The following LSM14A variants were observed in gnomAD, a reference collection of about 807,000 sequenced individuals.
LSM14A encodes the protein LSM14A mRNA processing body assembly factor.
In LSM14A, 14 loss-of-function variants were observed where a neutral mutation model predicts 52.4. The observed-to-expected ratio is 0.27, with a 90% CI of 0.18 to 0.42. The LOEUF (loss-of-function observed/expected upper bound fraction) is 0.42, where lower values mean the gene tolerates loss of function less well. Among genes scored for constraint, LSM14A ranks in the 10% least tolerant of loss-of-function variants. The pLI, the probability that LSM14A is intolerant of heterozygous loss-of-function variation, is 1.00. For synonymous variants in LSM14A, 185 were observed against 200.3 expected (o/e 0.92, Z 0.64); for missense variants, 417 against 581.8 (o/e 0.72, Z 2.91).
chr19:34,181,152 A>C (rs1038538138), intron 1 of LSM14A, among the ~76,000 whole-genome samples: 2 of 152,136 alleles, frequency 1.3e-5, no homozygotes, highest in Non-Finnish European at 2.9e-5. Flanking sequence ...CCACTTGTGC[A>C]GCATTTGTCC....
chr19:34,177,228 A>G (rs2069147845), intron 1 of LSM14A, among the ~76,000 whole-genome samples: 1 of 152,202 alleles, frequency 6.6e-6, no homozygotes, highest in Non-Finnish European at 1.5e-5. Flanking sequence ...TTTTAATGTA[A>G]ACATGTTCAT....
At chr19:34,226,659 G>A (rs2073363846) in intron 9 of LSM14A, among the ~76,000 whole-genome samples, 1 of 152,122 alleles carries the variant, frequency 6.6e-6, no homozygotes, top group South Asian at 2.1e-4. Context: ...CTAACAGTTG[G>A]GGTGAGAATC....
chr19:34,181,338 T>G (rs1232725855), intron 1 of LSM14A, among the ~76,000 whole-genome samples: 1 of 152,204 alleles, frequency 6.6e-6, no homozygotes, highest in African/African-American at 2.4e-5. Context: ...GATTACCCCA[T>G]TTCTATCCTT....
At chr19:34,214,425 C>T (rs2072421310) in intron 4 of LSM14A, among the ~76,000 whole-genome samples, 1 of 152,018 alleles carries the variant, frequency 6.6e-6, no homozygotes, top group Non-Finnish European at 1.5e-5. Flanking sequence ...TATCCCATCT[C>T]AGCCTCCTGA....
intron 1 of LSM14A, among the ~76,000 whole-genome samples, chr19:34,175,087 A>T (rs2068988288): frequency 1.3e-5 from 2 of 152,226 alleles, no homozygotes; most frequent in African/African-American, 2.4e-5. Context: ...TGACATAATG[A>T]CATAAAATAT....
chr19:34,203,626 C>T (rs1267738228), intron 3 of LSM14A, among the ~76,000 whole-genome samples: 1 of 151,752 alleles, frequency 6.6e-6, no homozygotes, highest in Non-Finnish European at 1.5e-5. Context: ...ACAGTGAAAC[C>T]CTGTCTCTAC....
intron 1 of LSM14A, among the ~76,000 whole-genome samples, chr19:34,180,609 T>G (rs1388288565): frequency 6.6e-6 from 1 of 152,180 alleles, no homozygotes; most frequent in Non-Finnish European, 1.5e-5. Flanking sequence ...AGTCAGTCAT[T>G]CACACCTACT....
At chr19:34,201,252 G>C (rs1158221783) in intron 3 of LSM14A, among the ~76,000 whole-genome samples, 3 of 152,186 alleles carry the variant, frequency 2.0e-5, no homozygotes, top group South Asian at 2.1e-4. Flanking sequence ...TGGCTAATTA[G>C]AAAACTAGTG....
intron 3 of LSM14A, among the ~76,000 whole-genome samples, chr19:34,203,802 CA>C (rs4012715): frequency 0.28 from 36,643 of 130,984 alleles, 4,488 homozygotes; most frequent in Admixed American, 0.35. Flanking sequence ...GACCCTGTCT[CA>C]AAAAAAAAAA....
At chr19:34,182,151 T>C (rs559384594) in intron 1 of LSM14A, among the ~76,000 whole-genome samples, 11 of 152,320 alleles carry the variant, frequency 7.2e-5, no homozygotes, top group Admixed American at 4.6e-4. Context: ...GTTTCCAATA[T>C]TGACCTCTCA....
intron 1 of LSM14A, among the ~76,000 whole-genome samples, chr19:34,174,604 T>A (rs2068953161): frequency 6.6e-6 from 1 of 152,246 alleles, no homozygotes; most frequent in Non-Finnish European, 1.5e-5. Flanking sequence ...TTCCCAGTGA[T>A]GCTTCTTAAG....
chr19:34,212,401 G>C (rs1176001944), intron 4 of LSM14A, among the ~76,000 whole-genome samples: 1 of 152,070 alleles, frequency 6.6e-6, no homozygotes, highest in African/African-American at 2.4e-5. Context: ...TAATAATGTT[G>C]CCTGATCATT....
chr19:34,196,702 C>A lies in LSM14A; in HGVS notation c.354C>A (p.Pro118=). The A allele has an allele frequency of 6.2e-7, 1 of 1,613,602 alleles. No homozygotes were observed. ...CTTATGGACCTTTCGGCAGGATGCC[C>A]ACATACAGTCAGTTCAGTCCGAGTT... is the stretch of plus-strand genomic sequence containing the variant. ...MGSYGPFGRM[P]TYSQFSPSSL... The change falls in exon 3 of 10, where the codon CCC becomes CCA. Residue 118 remains proline (P), a synonymous_variant. Coordinates refer to ENST00000544216, the MANE Select transcript of LSM14A (RefSeq NM_015578.4).
chr19:34,186,480 C>G (rs767327434), intron 1 of LSM14A, among the ~76,000 whole-genome samples: 5 of 152,222 alleles, frequency 3.3e-5, no homozygotes, highest in Non-Finnish European at 5.9e-5. Context: ...TTCTGCCAGC[C>G]TGCTCTGCAG....
At position 34,215,208 on chromosome 19, in the gene LSM14A, C is replaced by T; in HGVS notation, c.623C>T (p.Ala208Val). The change falls in exon 5 of 10, where the codon GCT becomes GTT. Residue 208 changes from alanine (A) to valine (V), a missense_variant. Physicochemically the swap from Ala to Val is moderately conservative, Grantham distance 64 (BLOSUM62 0). This residue lies in a region of LSM14A where 357 missense variants were observed against 457.0 expected (regional missense o/e 0.78). Transcript: ENST00000544216. ...CAGACCGCCTCAGCCCACTTACCTG[C>T]TCCAGCAGCTGTTGGGAGAAGGAGT... ...AVQTASAHLPAPAAVGRRSPV... is the reference protein window; with the variant it reads ...AVQTASAHLPVPAAVGRRSPV... The T allele has an allele frequency of 6.2e-7, 1 of 1,614,204 alleles. No homozygotes were observed. The highest frequency in any genetic ancestry group is 8.5e-7 in the Non-Finnish European group (1 of 1,180,026).
intron 1 of LSM14A, among the ~76,000 whole-genome samples, chr19:34,179,350 T>A (rs1213224240): frequency 2.0e-5 from 3 of 152,230 alleles, no homozygotes. Context: ...AAGAGCTTTG[T>A]GTGATGGATA....
chr19:34,191,368 A>G (rs933685620), intron 1 of LSM14A, among the ~76,000 whole-genome samples: 3 of 151,864 alleles, frequency 2.0e-5, no homozygotes, highest in African/African-American at 7.2e-5. Flanking sequence ...ACTGTGTCCT[A>G]TCAGGGCAAA....
intron 1 of LSM14A, among the ~76,000 whole-genome samples, chr19:34,176,031 G>C (rs1255360278): frequency 6.6e-6 from 1 of 152,030 alleles, no homozygotes; most frequent in Non-Finnish European, 1.5e-5. Flanking sequence ...TGTATTTTGA[G>C]TAGAGACGGG....
At position 34,219,515 on chromosome 19, in the gene LSM14A, T is replaced by C. The variant is rs1351485657; in HGVS notation, c.906T>C (p.Asn302=). ...FEKDFDFESA[N]AQFNKEEIDR... Reference sequence around the variant, plus strand: ...AAGACTTTGACTTTGAAAGTGCAAATGCACAATTCAACAAGGAAGAGATTG... The same window carrying C: ...AAGACTTTGACTTTGAAAGTGCAAACGCACAATTCAACAAGGAAGAGATTG... The change falls in exon 7 of 10, where the codon AAT becomes AAC. Residue 302 remains asparagine, a synonymous_variant. Coordinates refer to ENST00000544216, the MANE Select transcript of LSM14A (RefSeq NM_015578.4). 1 of 1,614,044 alleles carries C rather than the reference T, an allele frequency of 6.2e-7. No homozygotes were observed. The highest frequency in any genetic ancestry group is 1.1e-5 in the South Asian group (1 of 91,084).
Sources: allele counts gnomAD v4.1 joint callset (sites outside exome capture counted in the v4.1 genomes callset), GRCh38; gene constraint gnomAD v4.1.1; regional missense constraint gnomAD v4.1.1; transcripts MANE v1.5; gene names NCBI Gene and HGNC (gene_info 2026-07-23, HGNC 2026-07-21).